Variants in PTPRG observed in about 807,000 individuals in gnomAD.
PTPRG encodes receptor-type tyrosine-protein phosphatase gamma.
PTPRG carries 102 observed loss-of-function variants against 165.3 expected under a neutral mutation model. The ratio of observed to expected loss-of-function variants is 0.62; its 90% CI spans 0.53 to 0.73. The LOEUF is 0.73. Ranked by LOEUF, PTPRG falls within the 30% of genes least tolerant of loss-of-function variation. The pLI is 0.00. For synonymous variants in PTPRG, 675 were observed against 669.5 expected, an observed-to-expected ratio of 1.01 and a Z score of -0.13; for missense variants, 1,866 against 1,861.4, an observed-to-expected ratio of 1.00 and a Z score of -0.05.
chr3:62,276,662 A>G (rs1702241243), intron 24 of PTPRG: 1 of 298,814 alleles, frequency 3.3e-6, no homozygotes, highest in Non-Finnish European at 6.2e-6. Context: ...ATAACAAACT[A>G]GAGTCAAAAG....
chr3:61,628,740 G>A (rs1218306741), intron 1 of PTPRG, among the ~76,000 whole-genome samples: 1 of 152,144 alleles, frequency 6.6e-6, no homozygotes, highest in East Asian at 1.9e-4. Flanking sequence ...AAGGTAGGGG[G>A]AGGTGAACAG....
At chr3:62,206,239 G>T (rs1446582674) in intron 12 of PTPRG, among the ~76,000 whole-genome samples, 2 of 152,168 alleles carry the variant, frequency 1.3e-5, no homozygotes, top group Non-Finnish European at 2.9e-5. Flanking sequence ...AGAGACAGGG[G>T]AGAAGAAATG....
intron 20 of PTPRG, among the ~76,000 whole-genome samples, chr3:62,270,028 C>G (rs1202981138): frequency 6.6e-6 from 1 of 152,074 alleles, no homozygotes; most frequent in South Asian, 2.1e-4. Context: ...TACTGTTTCT[C>G]TTAAAATACT....
chr3:62,036,209 G>T (rs1452460636), intron 4 of PTPRG, among the ~76,000 whole-genome samples: 1 of 152,196 alleles, frequency 6.6e-6, no homozygotes, highest in South Asian at 2.1e-4. Flanking sequence ...TTTGTTGGGG[G>T]TTGTGGGTTA....
At chr3:61,577,414 C>T (rs577730132) in intron 1 of PTPRG, among the ~76,000 whole-genome samples, 1 of 152,228 alleles carries the variant, frequency 6.6e-6, no homozygotes, top group East Asian at 1.9e-4. Flanking sequence ...AGCCACCAGC[C>T]ACCTGTGGCT....
At position 61,755,002 on chromosome 3, in the gene PTPRG, T is replaced by C. The variant is rs556388792; in HGVS notation, c.190+6020T>C. On this transcript the variant is annotated intron_variant, in intron 2 of 29. Coordinates refer to ENST00000474889, the MANE Select transcript of PTPRG (RefSeq NM_002841.4). ...CCTCCTTCTTCTTCTTCTTTTTTTT[T>C]TTCTTTTGAGATGGAGTCTTACCCT... Among the ~76,000 whole-genome samples, 5 of 152,146 alleles carry C rather than the reference T, an allele frequency of 3.3e-5. No individual in the cohort carries two copies. In the East Asian group the frequency reaches 9.7e-4, roughly 29 times the overall value.
intron 1 of PTPRG, among the ~76,000 whole-genome samples, chr3:61,676,648 T>C (rs1022097769): frequency 6.6e-6 from 1 of 151,932 alleles, no homozygotes; most frequent in Admixed American, 6.6e-5. Context: ...CGGTTGCATG[T>C]GACTCTTCCA....
At chr3:61,766,569 T>C (rs1427466792) in intron 2 of PTPRG, among the ~76,000 whole-genome samples, 4 of 152,108 alleles carry the variant, frequency 2.6e-5, no homozygotes, top group Non-Finnish European at 5.9e-5. Flanking sequence ...GGAAACTTTG[T>C]TCGTATCACA....
intron 2 of PTPRG, among the ~76,000 whole-genome samples, chr3:61,762,250 A>G (rs1459316126): frequency 6.6e-6 from 1 of 152,014 alleles, no homozygotes; most frequent in African/African-American, 2.4e-5. Context: ...TTCTCTCACC[A>G]TCTACTAGGG....
At chr3:62,177,629 G>A (rs1206908965) in intron 8 of PTPRG, among the ~76,000 whole-genome samples, 3 of 152,064 alleles carry the variant, frequency 2.0e-5, no homozygotes, top group Non-Finnish European at 4.4e-5. Context: ...CTCCAGCCCC[G>A]TCTTGTACTT....
intron 4 of PTPRG, among the ~76,000 whole-genome samples, chr3:62,020,849 T>TG (rs1553705553): frequency 2.6e-5 from 4 of 151,504 alleles, no homozygotes. Context: ...TTTTTTGTTT[T>TG]TTTTTTTTGG....
At chr3:61,678,742 C>T (rs1703323626) in intron 1 of PTPRG, among the ~76,000 whole-genome samples, 1 of 152,150 alleles carries the variant, frequency 6.6e-6, no homozygotes, top group South Asian at 2.1e-4. Context: ...CATTTTGATA[C>T]TTATTATACA....
At chr3:61,630,524 A>T (rs1351453653) in intron 1 of PTPRG, among the ~76,000 whole-genome samples, 2 of 150,426 alleles carry the variant, frequency 1.3e-5, no homozygotes, top group Admixed American at 6.6e-5. Context: ...CTCTCTGATC[A>T]GGGAAAAGAA....
chr3:61,894,732 CCTT>C (rs1427494217), intron 2 of PTPRG, among the ~76,000 whole-genome samples: 4 of 152,166 alleles, frequency 2.6e-5, no homozygotes, highest in South Asian at 4.1e-4. Flanking sequence ...ACAAAGAAAA[CCTT>C]CTTCCTTGGG....
chr3:61,606,516 T>A (rs980241365), intron 1 of PTPRG, among the ~76,000 whole-genome samples: 2 of 152,244 alleles, frequency 1.3e-5, no homozygotes, highest in Admixed American at 6.5e-5. Context: ...ACAGAGCTTA[T>A]TTCTAAGGAG....
At chr3:61,911,783 T>A (rs1206766959) in intron 2 of PTPRG, among the ~76,000 whole-genome samples, 1 of 152,230 alleles carries the variant, frequency 6.6e-6, no homozygotes, top group Non-Finnish European at 1.5e-5. Flanking sequence ...TATTAAAGGC[T>A]GCTAGATCAT....
At chr3:62,110,764 T>A (rs943545147) in intron 5 of PTPRG, among the ~76,000 whole-genome samples, 2 of 152,180 alleles carry the variant, frequency 1.3e-5, no homozygotes, top group African/African-American at 4.8e-5. Context: ...GTCTTTTCAA[T>A]TGTTTCCCAC....
intron 4 of PTPRG, among the ~76,000 whole-genome samples, chr3:62,020,286 A>G (rs2041659501): frequency 6.6e-6 from 1 of 152,236 alleles, no homozygotes; most frequent in South Asian, 2.1e-4. Context: ...TGCATTCTAC[A>G]GATTTTTCAC....
intron 1 of PTPRG, among the ~76,000 whole-genome samples, chr3:61,717,198 G>C (rs1575607178): frequency 1.3e-5 from 2 of 152,138 alleles, no homozygotes; most frequent in East Asian, 1.9e-4. Flanking sequence ...TGTGTGGTTA[G>C]TCTCTGAATG....
Sources: allele counts gnomAD v4.1 joint callset (sites outside exome capture counted in the v4.1 genomes callset), GRCh38; gene constraint gnomAD v4.1.1; transcripts MANE v1.5; gene names NCBI Gene and HGNC (gene_info 2026-07-23, HGNC 2026-07-21).